Variants in CA5A observed in about 807,000 individuals in gnomAD.
The protein encoded by CA5A is carbonic anhydrase 5A, mitochondrial.
In CA5A, 28 loss-of-function variants were observed where a neutral mutation model predicts 37.1. The ratio of observed to expected loss-of-function variants is 0.75; its 90% confidence interval spans 0.56 to 1.03. CA5A has a LOEUF of 1.03. CA5A is among the 50% of genes least tolerant of loss of function. The pLI is 0.00. For missense variants in CA5A, 444 were observed against 399.9 expected, an observed-to-expected ratio of 1.11 and a Z score of -0.94; for synonymous variants, 171 against 158.4, an observed-to-expected ratio of 1.08 and a Z score of -0.60.
chr16:87,932,279 C>T (rs564703849), intron 1 of CA5A, among the ~76,000 whole-genome samples: 11 of 152,288 alleles, frequency 7.2e-5, no homozygotes, highest in Non-Finnish European at 1.3e-4. Context: ...AGACAGAACC[C>T]TAAAGCCACT....
intron 2 of CA5A, among the ~76,000 whole-genome samples, chr16:87,907,947 AC>A (rs2055990198): frequency 2.0e-5 from 3 of 152,104 alleles, no homozygotes; most frequent in African/African-American, 7.2e-5. Flanking sequence ...AAACAAACAA[AC>A]AAAAGCGGTT....
chr16:87,889,732 T>C (rs994743263), intron 6 of CA5A, among the ~76,000 whole-genome samples: 3 of 151,928 alleles, frequency 2.0e-5, no homozygotes, highest in South Asian at 2.1e-4. Flanking sequence ...GATCACGCCA[T>C]TGCACTCCAG....
chr16:87,934,445 G>A (rs1322183978), intron 1 of CA5A, among the ~76,000 whole-genome samples: 1 of 152,240 alleles, frequency 6.6e-6, no homozygotes, highest in African/African-American at 2.4e-5. Flanking sequence ...GCGCATGCCT[G>A]TAATTCCAGC....
chr16:87,916,010 G>A (rs2056136123), intron 2 of CA5A, among the ~76,000 whole-genome samples: 1 of 151,874 alleles, frequency 6.6e-6, no homozygotes, highest in Non-Finnish European at 1.5e-5. Flanking sequence ...GGCAGGTCTT[G>A]CATGGGGGCA....
At position 87,888,268 on chromosome 16, in the gene CA5A, G is replaced by C; in HGVS notation, c.779C>G (p.Ser260Cys). Residue 260 changes from serine (S) to cysteine (C), a missense_variant, in exon 7 of 7, where the codon TCT becomes TGT. Transcript: ENST00000649794. ...AGAAAACAGGAGAGTACGAAATGCA[G>C]AGAGCTGGAATAGAGGGCAGCCAGG... ...EPVEVAPSQL[S>C]AFRTLLFSAL... 2 of 1,613,012 alleles carry C rather than the reference G, an allele frequency of 1.2e-6. No individual in the cohort carries two copies. Among genetic ancestry groups the C allele is most frequent in the Non-Finnish European group, 1.7e-6 (2 of 1,179,212 alleles).
intron 2 of CA5A, among the ~76,000 whole-genome samples, chr16:87,919,984 C>T (rs963312381): frequency 1.3e-5 from 2 of 152,218 alleles, no homozygotes; most frequent in African/African-American, 2.4e-5. Flanking sequence ...CCCCGGAAAG[C>T]CAGCTGCTAG....
At chr16:87,901,730 G>A (rs1193414960) in intron 5 of CA5A, among the ~76,000 whole-genome samples, 182 bp downstream of exon 5, 2 of 152,012 alleles carry the variant, frequency 1.3e-5, no homozygotes, top group Non-Finnish European at 2.9e-5. Context: ...TGGGATTGCA[G>A]GCATGTGCCA....
chr16:87,906,606 G>A (rs191000623), intron 2 of CA5A, among the ~76,000 whole-genome samples: 4 of 152,176 alleles, frequency 2.6e-5, no homozygotes, highest in African/African-American at 7.2e-5. Flanking sequence ...CAGACTGGGC[G>A]ACGGAGTGAG....
intron 1 of CA5A, among the ~76,000 whole-genome samples, chr16:87,929,681 G>A (rs547383052): frequency 1.3e-5 from 2 of 151,338 alleles, no homozygotes; most frequent in Non-Finnish European, 2.9e-5. Context: ...GACCATCCTG[G>A]CTAACACCGT....
Position 87,891,881 on chromosome 16 carries a change from G to A in CA5A, c.692C>T (p.Ala231Val), listed in dbSNP as rs373280084. Residue 231 changes from alanine (A) to valine (V), a missense_variant, in exon 6 of 7, where the codon GCG becomes GTG. Transcript: ENST00000649794. Reference protein sequence around the residue: ...LPTCWDYWTYAGSLTTPPLTE... With the variant: ...LPTCWDYWTYVGSLTTPPLTE... Reference sequence around the variant, plus strand: ...CAGCGGCGGGGTGGTGAGCGAGCCCGCGTAGGTCCAGTAATCCCAGCAGGT... The same window carrying A: ...CAGCGGCGGGGTGGTGAGCGAGCCCACGTAGGTCCAGTAATCCCAGCAGGT... 3.4e-5 allele frequency: 53 copies of A among 1,574,960 alleles called. No homozygotes were observed. Among genetic ancestry groups the A allele is most frequent in the Middle Eastern group, 1.8e-4 (1 of 5,632 alleles).
chr16:87,897,864 T>C (rs1187311918), intron 5 of CA5A, among the ~76,000 whole-genome samples: 2 of 152,190 alleles, frequency 1.3e-5, no homozygotes, highest in Non-Finnish European at 2.9e-5. Context: ...TGATAATTTA[T>C]GTGGAGGGCT....
intron 2 of CA5A, among the ~76,000 whole-genome samples, chr16:87,920,771 A>T (rs1168870987): frequency 2.6e-5 from 4 of 151,106 alleles, no homozygotes; most frequent in African/African-American, 9.7e-5. Flanking sequence ...GGTGCTTGCC[A>T]CCATGCCCAG....
chr16:87,921,634 G>C (rs908945896), intron 2 of CA5A, among the ~76,000 whole-genome samples: 1 of 152,180 alleles, frequency 6.6e-6, no homozygotes, highest in African/African-American at 2.4e-5. Flanking sequence ...CCCCGTGAAT[G>C]GGAGTCGGGG....
intron 5 of CA5A, chr16:87,893,513 C>G: frequency 1.8e-6 from 1 of 560,518 alleles, no homozygotes; most frequent in African/African-American, 1.9e-5. Context: ...GAAACTGTGC[C>G]TGCCACCCTA....
intron 5 of CA5A, among the ~76,000 whole-genome samples, chr16:87,901,028 C>A (rs1309568613): frequency 6.6e-6 from 1 of 152,180 alleles, no homozygotes; most frequent in Non-Finnish European, 1.5e-5. Context: ...CAGTTTGAGA[C>A]CAGCCAGCCT....
chr16:87,924,122 C>CTCCCAAGA, intron 2 of CA5A: 1 of 985,412 alleles, frequency 1.0e-6, no homozygotes, highest in Non-Finnish European at 1.2e-6. Context: ...TGGTTTGTGC[C>CTCCCAAGA]TCCCAAGATC....
chr16:87,891,067 T>A (rs775883104), intron 6 of CA5A, among the ~76,000 whole-genome samples: 3 of 151,560 alleles, frequency 2.0e-5, no homozygotes, highest in Admixed American at 6.6e-5. Context: ...GTCCTAAAAT[T>A]ATGGGCATGA....
chr16:87,924,140 C>T (rs1306521663), intron 2 of CA5A: 1 of 985,420 alleles, frequency 1.0e-6, no homozygotes, highest in East Asian at 1.1e-4. Flanking sequence ...ATCTGGTTGT[C>T]CCACTTTCCC....
At chr16:87,917,649 ACACACGTG>A (rs2144029013) in intron 2 of CA5A, among the ~76,000 whole-genome samples, 1 of 136,304 alleles carries the variant, frequency 7.3e-6, no homozygotes, top group Admixed American at 7.6e-5. Context: ...ACACACATGA[ACACACGTG>A]CACATAGAGA....
Sources: allele counts gnomAD v4.1 joint callset (sites outside exome capture counted in the v4.1 genomes callset), GRCh38; gene constraint gnomAD v4.1.1; transcripts MANE v1.5; gene names NCBI Gene and HGNC (gene_info 2026-07-23, HGNC 2026-07-21).